The following RPS6KA6 variants were observed in gnomAD, a reference collection of about 807,000 sequenced individuals.
RPS6KA6 encodes the protein ribosomal protein S6 kinase alpha-6.
A neutral mutation model predicts 65.4 loss-of-function variants in RPS6KA6; 27 were observed. The ratio of observed to expected loss-of-function variants is 0.41; its 90% CI spans 0.30 to 0.57. RPS6KA6 has a LOEUF of 0.57. Among genes scored for constraint, RPS6KA6 ranks in the 20% least tolerant of loss-of-function variants. RPS6KA6 has a pLI of 0.24. For synonymous variants in RPS6KA6, 190 were observed against 184.2 expected (o/e 1.03, Z -0.26); for missense variants, 486 against 555.6 (o/e 0.87, Z 1.26).
chrX:84,157,398 G>T (rs1016781724), intron 2 of RPS6KA6, among the ~76,000 whole-genome samples: 14 of 111,762 alleles, frequency 1.3e-4, no homozygotes, highest in African/African-American at 4.5e-4. Flanking sequence ...AATGTTTACT[G>T]AAAATAAAAA....
intron 20 of RPS6KA6, among the ~76,000 whole-genome samples, chrX:84,087,368 G>T (rs1172807070): frequency 9.0e-6 from 1 of 111,164 alleles, no homozygotes; most frequent in South Asian, 3.8e-4. Context: ...AATTCCCTAA[G>T]CATTTACTCA....
intron 6 of RPS6KA6, among the ~76,000 whole-genome samples, chrX:84,138,863 T>C (rs769889095): frequency 9.3e-6 from 1 of 107,850 alleles, no homozygotes; most frequent in South Asian, 4.1e-4. Flanking sequence ...GAAGGGAAAT[T>C]TGGGTAGGTA....
chrX:84,146,075 T>C (rs2035193506), intron 5 of RPS6KA6, among the ~76,000 whole-genome samples: 1 of 111,677 alleles, frequency 9.0e-6, no homozygotes, highest in Non-Finnish European at 1.9e-5. Flanking sequence ...GTGTTCTCTA[T>C]AGGTTATAAA....
chrX:84,064,833 G>C, intron 21 of RPS6KA6, 138 bp downstream of exon 21: 1 of 461,861 alleles, frequency 2.2e-6, no homozygotes. Context: ...AAAGTACATG[G>C]TTGTTAATTT....
chrX:84,069,283 C>T (rs1037652538), intron 20 of RPS6KA6, among the ~76,000 whole-genome samples: 2 of 111,399 alleles, frequency 1.8e-5, no homozygotes, highest in South Asian at 3.8e-4. Flanking sequence ...ATTTGATCTT[C>T]GACAAACCTG....
At chrX:84,157,837 C>T (rs2085985133) in intron 2 of RPS6KA6, among the ~76,000 whole-genome samples, 1 of 110,517 alleles carries the variant, frequency 9.0e-6, no homozygotes, top group Non-Finnish European at 1.9e-5. Flanking sequence ...AGCAGGTTTT[C>T]CAAATGAAAA....
intron 6 of RPS6KA6, among the ~76,000 whole-genome samples, chrX:84,144,392 G>A (rs2035161404): frequency 1.8e-5 from 2 of 110,606 alleles, no homozygotes; most frequent in Admixed American, 1.9e-4. Flanking sequence ...ATTTTACCAA[G>A]AGGATAGATG....
At chrX:84,160,168 GA>G (rs1417403755) in intron 2 of RPS6KA6, among the ~76,000 whole-genome samples, 1 of 111,347 alleles carries the variant, frequency 9.0e-6, no homozygotes, top group African/African-American at 3.3e-5. Flanking sequence ...TAAAAAATCT[GA>G]ATCTGAGGCC....
At chrX:84,143,641 C>G (rs1313016259) in intron 6 of RPS6KA6, among the ~76,000 whole-genome samples, 1 of 111,202 alleles carries the variant, frequency 9.0e-6, no homozygotes, top group Non-Finnish European at 1.9e-5. Flanking sequence ...CAATAAAATT[C>G]CAACCAATAT....
chrX:84,107,126 A>G, intron 13 of RPS6KA6, 86 bp from the exon 14 acceptor site: 2 of 752,647 alleles, frequency 2.7e-6, no homozygotes, highest in Non-Finnish European at 3.8e-6. Flanking sequence ...CTATAAAGGA[A>G]ACCATTAAAT....
intron 17 of RPS6KA6, among the ~76,000 whole-genome samples, chrX:84,102,517 T>C (rs181724817): frequency 8.1e-4 from 90 of 110,711 alleles, no homozygotes; most frequent in Middle Eastern, 4.7e-3. Context: ...GCATTATACA[T>C]AACATATAAG....
intron 12 of RPS6KA6, among the ~76,000 whole-genome samples, chrX:84,108,293 G>A (rs1262681389): frequency 1.8e-5 from 2 of 111,800 alleles, no homozygotes; most frequent in East Asian, 5.6e-4. Context: ...AATAAATAGG[G>A]AATTACTTTT....
At chrX:84,087,913 CTCTGAGAT>C (rs2033960941) in intron 20 of RPS6KA6, among the ~76,000 whole-genome samples, 1 of 112,035 alleles carries the variant, frequency 8.9e-6, no homozygotes, top group Non-Finnish European at 1.9e-5. Flanking sequence ...AGTCTTCAAG[CTCTGAGAT>C]TTTTTCCTCT....
intron 8 of RPS6KA6, among the ~76,000 whole-genome samples, chrX:84,126,397 C>T (rs769234913): frequency 1.3e-4 from 15 of 111,316 alleles, no homozygotes; most frequent in South Asian, 3.8e-4. Context: ...CAGTAACAGC[C>T]GGTGACTTCA....
chrX:84,075,020 G>A (rs1414625813), intron 20 of RPS6KA6, among the ~76,000 whole-genome samples: 1 of 111,759 alleles, frequency 8.9e-6, no homozygotes, highest in East Asian at 2.8e-4. Flanking sequence ...GGATCATGAG[G>A]TCAGGAGCTC....
At chrX:84,172,695 G>T (rs930922854) in intron 1 of RPS6KA6, among the ~76,000 whole-genome samples, 1 of 111,869 alleles carries the variant, frequency 8.9e-6, no homozygotes, top group Non-Finnish European at 1.9e-5. Flanking sequence ...TTTACAAATA[G>T]CCAAAAGGTA....
chrX:84,167,587 C>T (rs1482945284), intron 1 of RPS6KA6, among the ~76,000 whole-genome samples: 2 of 111,757 alleles, frequency 1.8e-5, no homozygotes, highest in African/African-American at 6.5e-5. Context: ...TATACTGATA[C>T]ATTCAACAAC....
chrX:84,061,155 C>T lies in RPS6KA6; in HGVS notation c.*3122G>A, dbSNP rs1352820491. On this transcript the variant is annotated 3_prime_UTR_variant, in exon 22 of 22. Coordinates refer to ENST00000262752, the MANE Select transcript of RPS6KA6 (RefSeq NM_014496.5). ...GAATACCACAAATATGCTTTGCCCA[C>T]TTTAAAGCCTAAGTTTTCTTGTGGG... The T allele has an allele frequency of 8.9e-6, 1 of 112,482 alleles. No individual in the cohort carries two copies. The highest frequency in any genetic ancestry group is 3.2e-5 in the African/African-American group (1 of 31,012). 9.3% of individuals were successfully genotyped at this position (112,482 alleles called of 1,213,427 possible).
chrX:84,146,930 A>C, intron 5 of RPS6KA6, 48 bp downstream of exon 5: 1 of 679,323 alleles, frequency 1.5e-6, no homozygotes, highest in Non-Finnish European at 2.2e-6. Flanking sequence ...ATTCCATATT[A>C]ATAAATAAGG....
Sources: gnomAD v4.1 joint callset for allele counts (sites outside exome capture counted in the v4.1 genomes callset) on GRCh38, gnomAD v4.1.1 for gene constraint, MANE v1.5 for transcripts, NCBI Gene and HGNC (gene_info 2026-07-23, HGNC 2026-07-21) for gene names.